Variants in FASTKD1 observed in about 807,000 individuals in gnomAD.
The protein encoded by FASTKD1 is FAST kinase domains 1.
Under a neutral mutation model 90.9 loss-of-function variants are expected in FASTKD1, and 94 were observed. The ratio of observed to expected loss-of-function variants is 1.03; its 90% CI spans 0.88 to 1.23. FASTKD1 has a LOEUF of 1.23. Ranked by LOEUF, FASTKD1 falls within the 50% of genes most tolerant of loss-of-function variation. The probability of loss-of-function intolerance (pLI) is 0.00; values close to 1 mark genes in which losing one functional copy is unlikely to be tolerated. For synonymous variants in FASTKD1, 319 were observed against 345.8 expected (o/e 0.92, Z 0.86); for missense variants, 945 against 993.5 (o/e 0.95, Z 0.66).
chr2:169,553,686 G>A (rs1383177297), intron 7 of FASTKD1, among the ~76,000 whole-genome samples: 1 of 152,150 alleles, frequency 6.6e-6, no homozygotes, highest in Non-Finnish European at 1.5e-5. Flanking sequence ...GGGAGGCTGA[G>A]GCGGGCAGAC....
At chr2:169,560,839 C>CT (rs1204635514) in intron 4 of FASTKD1, 54 bp from the exon 5 acceptor site, 20,879 of 247,338 alleles carry the variant, frequency 0.084, 209 homozygotes, top group South Asian at 0.098. Flanking sequence ...ATGATCAATT[C>CT]TTTTTTTTTT....
In FASTKD1 at chr2:169,547,676, G is replaced by A. The variant is rs551708676; in HGVS notation, c.1215-972C>T. Among the ~76,000 whole-genome samples, 116 of 151,964 alleles carry A rather than the reference G, an allele frequency of 7.6e-4. 1 individual carries two copies. Among genetic ancestry groups the A allele is most frequent in the African/African-American group, 2.5e-3 (102 of 41,498 alleles). On this transcript the variant is annotated intron_variant, in intron 7 of 14. Coordinates refer to ENST00000453153, the MANE Select transcript of FASTKD1 (RefSeq NM_024622.6). ...TTTGGGAGGCCAAGGACAGGGGTTC[G>A]AGACCAGTCTGGCCAACATGGTGAA...
rs751528011 is a variant in FASTKD1 at position 169,569,196 on chromosome 2, C to G, written c.434G>C (p.Arg145Thr). 6 of 1,613,942 alleles carry G rather than the reference C, an allele frequency of 3.7e-6. No individual in the cohort carries two copies. The highest frequency in any genetic ancestry group is 1.6e-4 in the Middle Eastern group (1 of 6,078). ...CCAGGGTACTTGCCTTTCTAGCCTT[C>G]TCCATGCTTCTGTAACTAGTGCTTC... is the stretch of plus-strand genomic sequence containing the variant. ...LVEALVTEAW[R>T]RLERFDIKLL... The change falls in exon 3 of 15, where the codon AGA becomes ACA. Residue 145 changes from arginine (R) to threonine (T), a missense_variant. Transcript: ENST00000453153.
At chr2:169,567,834 T>G (rs1004749100) in intron 3 of FASTKD1, among the ~76,000 whole-genome samples, 2 of 152,148 alleles carry the variant, frequency 1.3e-5, no homozygotes, top group African/African-American at 4.8e-5. Flanking sequence ...TTTTCTTTCC[T>G]CCCTAACATT....
rs750225027 is a variant in FASTKD1 at position 169,557,299 on chromosome 2, T to G, written c.972-2A>C. On this transcript the variant is annotated splice_acceptor_variant, in intron 5 of 14. Coordinates refer to ENST00000453153, the MANE Select transcript of FASTKD1 (RefSeq NM_024622.6). LOFTEE classifies it high-confidence loss of function. ...ATCAATAACATAGTTGATTTAAGTCTAGAAGCAAAAAAAAAAAAGTTTTTG... is the reference window on the plus strand; with the variant it reads ...ATCAATAACATAGTTGATTTAAGTCGAGAAGCAAAAAAAAAAAAGTTTTTG... The G allele has an allele frequency of 6.5e-7, 1 of 1,535,612 alleles. No individual in the cohort carries two copies. Among genetic ancestry groups the G allele is most frequent in the East Asian group, 2.3e-5 (1 of 42,896 alleles).
chr2:169,536,986 C>T (rs377401582), intron 12 of FASTKD1: 11 of 346,116 alleles, frequency 3.2e-5, no homozygotes, highest in African/African-American at 2.2e-4. Flanking sequence ...TGGTGGAGGA[C>T]TGACCTTAAT....
intron 7 of FASTKD1, among the ~76,000 whole-genome samples, chr2:169,547,287 C>T (rs571152297): frequency 2.6e-5 from 4 of 152,340 alleles, no homozygotes; most frequent in East Asian, 3.9e-4. Flanking sequence ...GGAACCTCCA[C>T]GTGTTCGGCT....
chr2:169,544,845 A>G lies in FASTKD1; in HGVS notation c.1702-10T>C, dbSNP rs779873542. On this transcript the variant is annotated splice_polypyrimidine_tract_variant and intron_variant, in intron 8 of 14. Transcript: ENST00000453153. ...TTGTAAAAGGATGGATCTGTATAAA[A>G]AGAACAAAAAATTTATAGTTTAAAC... 6.8e-7 allele frequency: 1 copy of G among 1,475,598 alleles called. No homozygotes were observed. Among genetic ancestry groups the G allele is most frequent in the Non-Finnish European group, 9.3e-7 (1 of 1,074,510 alleles). The allele number at this position is 1,475,598 out of a possible 1,614,324, so 91.4% of individuals were successfully genotyped here.
chr2:169,529,933 A>G lies in FASTKD1; in HGVS notation c.2443-7T>C, dbSNP rs910842213. 5 of 1,593,468 alleles carry G rather than the reference A, an allele frequency of 3.1e-6. No individual in the cohort carries two copies. The African/African-American group carries it at 6.7e-5, about 21-fold the overall frequency. On this transcript the variant is annotated splice_region_variant and splice_polypyrimidine_tract_variant and intron_variant, in intron 14 of 14. Coordinates refer to ENST00000453153, the MANE Select transcript of FASTKD1 (RefSeq NM_024622.6). Reference sequence around the variant, plus strand: ...TCCATTCAAACTGGGAAATCTGAAAATAAGTAATGTTGTTTGAATGAAAGT... The same window carrying G: ...TCCATTCAAACTGGGAAATCTGAAAGTAAGTAATGTTGTTTGAATGAAAGT...
chr2:169,536,605 T>C (rs992147246), intron 12 of FASTKD1, among the ~76,000 whole-genome samples: 1 of 152,220 alleles, frequency 6.6e-6, no homozygotes, highest in Non-Finnish European at 1.5e-5. Context: ...AGAAAGTTTA[T>C]GTTAATTATC....
At chr2:169,562,524 T>C (rs558288415) in intron 4 of FASTKD1, among the ~76,000 whole-genome samples, 1 of 152,230 alleles carries the variant, frequency 6.6e-6, no homozygotes, top group African/African-American at 2.4e-5. Flanking sequence ...TGATCCACCA[T>C]GCCTGGCCAA....
At chr2:169,548,292 C>T (rs1206229345) in intron 7 of FASTKD1, among the ~76,000 whole-genome samples, 3 of 151,852 alleles carry the variant, frequency 2.0e-5, no homozygotes, top group Admixed American at 6.6e-5. Context: ...GTTTCCGATA[C>T]ACAGTCCAAC....
In FASTKD1 at chr2:169,546,467, A is replaced by T; in HGVS notation, c.1452T>A (p.Asp484Glu). ...GTTGTAGTCTCTGACGACCATAGTG[A>T]TCTAATTTTTGAAGTAGTTTCAGTT... ...AKQLKLLQKL[D>E]HYGRQRLQHS... The change falls in exon 8 of 15, where the codon GAT becomes GAA. Residue 484 changes from aspartate to glutamate, a missense_variant. Asp to Glu is a conservative substitution (Grantham distance 45, BLOSUM62 2). Transcript: ENST00000453153. 1 of 1,614,182 alleles carries T rather than the reference A, an allele frequency of 6.2e-7. No homozygotes were observed. The highest frequency in any genetic ancestry group is 8.5e-7 in the Non-Finnish European group (1 of 1,180,030).
intron 7 of FASTKD1, among the ~76,000 whole-genome samples, chr2:169,553,482 T>C (rs79002101): frequency 0.031 from 4,736 of 152,234 alleles, 273 homozygotes; most frequent in African/African-American, 0.11. Context: ...AACTTTCTTA[T>C]AACATCCTAA....
chr2:169,530,890 T>C (rs748204780), intron 13 of FASTKD1, 189 bp from the exon 14 acceptor site: 2 of 682,662 alleles, frequency 2.9e-6, no homozygotes, highest in Non-Finnish European at 5.3e-6. Flanking sequence ...CACAAAATTA[T>C]TGTAAATATT....
intron 13 of FASTKD1, chr2:169,530,950 A>G (rs1432616582): frequency 1.5e-6 from 1 of 686,830 alleles, no homozygotes; most frequent in South Asian, 1.4e-5. Context: ...ACACATGCCT[A>G]CTACATGTAA....
chr2:169,558,976 CTTT>C (rs754092407), intron 5 of FASTKD1, among the ~76,000 whole-genome samples: 7 of 137,420 alleles, frequency 5.1e-5, no homozygotes, highest in Non-Finnish European at 4.8e-5. Flanking sequence ...ATTCAAAGTA[CTTT>C]TTTTTTTTTT....
At chr2:169,561,844 T>C (rs993673714) in intron 4 of FASTKD1, among the ~76,000 whole-genome samples, 1 of 143,700 alleles carries the variant, frequency 7.0e-6, no homozygotes, top group South Asian at 2.1e-4. Context: ...TTGTAAATTA[T>C]TTATTAATTT....
At chr2:169,541,752 T>C (rs1046217937) in intron 9 of FASTKD1, among the ~76,000 whole-genome samples, 1 of 152,214 alleles carries the variant, frequency 6.6e-6, no homozygotes, top group Non-Finnish European at 1.5e-5. Context: ...CAGTATCTGT[T>C]GCTTGGTAGA....
Sources: gnomAD v4.1 joint callset for allele counts (sites outside exome capture counted in the v4.1 genomes callset) on GRCh38, gnomAD v4.1.1 for gene constraint, MANE v1.5 for transcripts, NCBI Gene and HGNC (gene_info 2026-07-23, HGNC 2026-07-21) for gene names.